Variants in PRICKLE1 observed in about 807,000 individuals in gnomAD.
The protein encoded by PRICKLE1 is prickle-like protein 1.
In PRICKLE1, 14 loss-of-function variants were observed where a neutral mutation model predicts 70.2. The observed-to-expected ratio is 0.20, with a 90% CI of 0.13 to 0.31. The LOEUF (loss-of-function observed/expected upper bound fraction) is 0.31, where lower values mean the gene tolerates loss of function less well. Ranked by LOEUF, PRICKLE1 falls within the 10% of genes least tolerant of loss-of-function variation. The pLI, the probability that PRICKLE1 is intolerant of heterozygous loss-of-function variation, is 1.00. For synonymous variants in PRICKLE1, 357 were observed against 379.9 expected, an observed-to-expected ratio of 0.94 and a Z score of 0.70; for missense variants, 821 against 1,026.2, an observed-to-expected ratio of 0.80 and a Z score of 2.73.
chr12:42,519,890 C>T (rs746537958), intron 1 of PRICKLE1, among the ~76,000 whole-genome samples: 2 of 152,088 alleles, frequency 1.3e-5, no homozygotes, highest in Non-Finnish European at 2.9e-5. Context: ...TCAGCACAGC[C>T]CTGAACTCCT....
At chr12:42,540,485 T>C (rs1444036184) in intron 1 of PRICKLE1, among the ~76,000 whole-genome samples, 1 of 152,220 alleles carries the variant, frequency 6.6e-6, no homozygotes, top group Non-Finnish European at 1.5e-5. Flanking sequence ...TAGCATATAG[T>C]AAGCTTTAAA....
intron 1 of PRICKLE1, among the ~76,000 whole-genome samples, chr12:42,586,390 C>A (rs1179838773): frequency 7.0e-6 from 1 of 142,786 alleles, no homozygotes; most frequent in African/African-American, 2.6e-5. Flanking sequence ...TTAAAATTAC[C>A]TTTTTTTTTT....
At chr12:42,544,067 GAGA>G (rs10590721) in intron 1 of PRICKLE1, among the ~76,000 whole-genome samples, 65,999 of 151,726 alleles carry the variant, frequency 0.43, 14,519 homozygotes, top group East Asian at 0.56. Flanking sequence ...GAAGAAGGAA[GAGA>G]AGAAGGGGCT....
chr12:42,545,741 T>C (rs1377898847), intron 1 of PRICKLE1, among the ~76,000 whole-genome samples: 1 of 151,874 alleles, frequency 6.6e-6, no homozygotes, highest in Non-Finnish European at 1.5e-5. Flanking sequence ...TCCCAGCTAC[T>C]GAGGAGGCTG....
At chr12:42,506,139 G>C (rs938225525) in intron 1 of PRICKLE1, among the ~76,000 whole-genome samples, 2 of 152,022 alleles carry the variant, frequency 1.3e-5, no homozygotes, top group Admixed American at 1.3e-4. Flanking sequence ...GGACTTTTAT[G>C]AAAAGTTCCG....
At chr12:42,463,955 G>A (rs1222276642) in intron 7 of PRICKLE1, among the ~76,000 whole-genome samples, 1 of 152,108 alleles carries the variant, frequency 6.6e-6, no homozygotes, top group Non-Finnish European at 1.5e-5. Flanking sequence ...CTAGTGTTTG[G>A]TATTTAAGTG....
intron 1 of PRICKLE1, among the ~76,000 whole-genome samples, chr12:42,565,161 G>A (rs569960390): frequency 6.1e-4 from 93 of 152,298 alleles, no homozygotes; most frequent in African/African-American, 2.1e-3. Flanking sequence ...CCAGTACTGG[G>A]GGAACCCCGG....
chr12:42,464,895 A>T lies in PRICKLE1; in HGVS notation c.1139T>A (p.Leu380His). 1 of 1,614,094 alleles carries T rather than the reference A, an allele frequency of 6.2e-7. No individual in the cohort carries two copies. ...TLSRKLDDLS[L>H]SRQGTSFASE... Reference sequence around the variant, plus strand: ...GGCAAAACTTGTTCCTTGTCTGGAGAGACTCAGATCATCCAATTTTCGAGA... The same window carrying T: ...GGCAAAACTTGTTCCTTGTCTGGAGTGACTCAGATCATCCAATTTTCGAGA... The change falls in exon 7 of 8, where the codon CTC (leucine) becomes CAC (histidine). Residue 380 changes from leucine (L) to histidine (H), a missense_variant. Physicochemically the swap from Leu to His is moderately conservative, Grantham distance 99 (BLOSUM62 -3). Coordinates refer to ENST00000345127, the MANE Select transcript of PRICKLE1 (RefSeq NM_153026.3). This position sits in a 1 kb window ranked among gnomAD's most constrained non-coding sequence, Gnocchi z 4.2.
chr12:42,544,278 G>A (rs1566120565), intron 1 of PRICKLE1, among the ~76,000 whole-genome samples: 1 of 152,206 alleles, frequency 6.6e-6, no homozygotes, highest in East Asian at 1.9e-4. Context: ...AGGAAGGTAT[G>A]TATTTTTCTT....
chr12:42,585,195 A>G (rs1176746788), intron 1 of PRICKLE1, among the ~76,000 whole-genome samples: 1 of 152,212 alleles, frequency 6.6e-6, no homozygotes, highest in Non-Finnish European at 1.5e-5. Context: ...AAGTTAAGTA[A>G]AGGCAAATGA....
At chr12:42,559,639 G>A (rs1352823585) in intron 1 of PRICKLE1, among the ~76,000 whole-genome samples, 5 of 86,088 alleles carry the variant, frequency 5.8e-5, no homozygotes, top group Admixed American at 4.7e-4. Context: ...TTTTTTTTGG[G>A]GGGGGTAGAG....
intron 1 of PRICKLE1, among the ~76,000 whole-genome samples, chr12:42,530,914 A>G (rs1939902299): frequency 6.6e-6 from 1 of 151,142 alleles, no homozygotes; most frequent in South Asian, 2.1e-4. Flanking sequence ...CAGGTGACCT[A>G]CCTGCTTCGG....
At chr12:42,484,812 A>C (rs1412270430) in intron 1 of PRICKLE1, among the ~76,000 whole-genome samples, 1 of 152,210 alleles carries the variant, frequency 6.6e-6, no homozygotes, top group Non-Finnish European at 1.5e-5. Flanking sequence ...TCCTCAAAGC[A>C]AGCCCAGAAA....
At chr12:42,559,624 A>ATATAT (rs370313890) in intron 1 of PRICKLE1, among the ~76,000 whole-genome samples, 5 of 81,624 alleles carry the variant, frequency 6.1e-5, no homozygotes, top group Non-Finnish European at 8.7e-5. Context: ...ATATATATAT[A>ATATAT]TTTTTTTTTT....
chr12:42,469,321 G>A (rs1414270375), intron 4 of PRICKLE1, 129 bp downstream of exon 4: 5 of 1,028,332 alleles, frequency 4.9e-6, no homozygotes, highest in African/African-American at 3.2e-5. Context: ...TAAAAAGCTA[G>A]GCTGTCTTTC....
At chr12:42,588,337 A>C (rs932314912) in intron 1 of PRICKLE1, among the ~76,000 whole-genome samples, 2 of 152,244 alleles carry the variant, frequency 1.3e-5, no homozygotes, top group African/African-American at 4.8e-5. Flanking sequence ...GATTAAGACG[A>C]GGCAGTAGAC....
rs950223064 is a variant in PRICKLE1, at chr12:42,563,132, G to A, written c.-49+26333C>T. Among the ~76,000 whole-genome samples the A allele has an allele frequency of 5.3e-5, 8 of 151,770 alleles. No homozygotes were observed. In the Middle Eastern group the frequency reaches 0.01, roughly 194 times the overall value. On this transcript the variant is annotated intron_variant, in intron 1 of 7. Transcript: ENST00000345127. ...CGGGAGACGGAGGTTGCAGTGAACC[G>A]AGATCATGCCAATGTACTCCAGCCT...
chr12:42,505,223 C>T (rs1939388542), intron 1 of PRICKLE1, among the ~76,000 whole-genome samples: 1 of 152,148 alleles, frequency 6.6e-6, no homozygotes, highest in Non-Finnish European at 1.5e-5. Flanking sequence ...AAGGGTCCAC[C>T]CCTTGGCCAT....
chr12:42,578,715 A>G (rs796689297), intron 1 of PRICKLE1, among the ~76,000 whole-genome samples: 3 of 151,276 alleles, frequency 2.0e-5, no homozygotes, highest in South Asian at 4.2e-4. Flanking sequence ...TAAAAACAGA[A>G]TACTGGCTAC....
Sources: allele counts gnomAD v4.1 joint callset (sites outside exome capture counted in the v4.1 genomes callset), GRCh38; gene constraint gnomAD v4.1.1; non-coding constraint Gnocchi (gnomAD v3.1); transcripts MANE v1.5; gene names NCBI Gene and HGNC (gene_info 2026-07-23, HGNC 2026-07-21).